Variants in CTNNA3 observed in about 807,000 individuals in gnomAD.
CTNNA3 encodes catenin alpha-3.
Under a neutral mutation model 95.7 loss-of-function variants are expected in CTNNA3, and 76 were observed. The ratio of observed to expected loss-of-function variants is 0.79; its 90% CI spans 0.66 to 0.96. The LOEUF (loss-of-function observed/expected upper bound fraction) is 0.96. CTNNA3 is among the 40% of genes least tolerant of loss of function. The pLI, the probability that CTNNA3 is intolerant of heterozygous loss-of-function variation, is 0.00. For synonymous variants in CTNNA3, 431 were observed against 374.4 expected, an observed-to-expected ratio of 1.15 and a Z score of -1.74; for missense variants, 1,191 against 1,089.8, an observed-to-expected ratio of 1.09 and a Z score of -1.31.
intron 7 of CTNNA3, among the ~76,000 whole-genome samples, chr10:66,827,921 G>T (rs1357985417): frequency 6.6e-6 from 1 of 152,174 alleles, no homozygotes; most frequent in Non-Finnish European, 1.5e-5. Context: ...AAACCGAGAT[G>T]ATATAAAACA....
At chr10:67,357,855 T>C (rs1842868865) in intron 5 of CTNNA3, among the ~76,000 whole-genome samples, 1 of 151,926 alleles carries the variant, frequency 6.6e-6, no homozygotes, top group African/African-American at 2.4e-5. Context: ...ATTTTAAAAG[T>C]CCAAGAACTT....
At position 66,840,323 on chromosome 10, in the gene CTNNA3, ATCTCTCTCTCTCTC is replaced by A. The variant is rs71035189; in HGVS notation, c.1048-64813_1048-64800del. Among the ~76,000 whole-genome samples, 410 of 90,642 alleles carry A rather than the reference ATCTCTCTCTCTCTC, an allele frequency of 4.5e-3. 2 individuals carry two copies. The highest frequency in any genetic ancestry group is 0.02 in the Middle Eastern group (2 of 98). 59.5% of individuals were successfully genotyped at this position (90,642 alleles called of 152,430 possible). ...CCTGCATTTCTTCTTCCAAGAAGCC[ATCTCTCTCTCTCTC>A]TCTCTCTCTCTCTCTCTCTCTCTCT... On this transcript the variant is annotated intron_variant, in intron 7 of 17. Coordinates refer to ENST00000433211, the MANE Select transcript of CTNNA3 (RefSeq NM_013266.4).
intron 7 of CTNNA3, among the ~76,000 whole-genome samples, chr10:66,782,243 T>C (rs564184452): frequency 5.3e-5 from 8 of 152,216 alleles, no homozygotes; most frequent in African/African-American, 1.9e-4. Flanking sequence ...TATACAAAGC[T>C]GGCAAATAGG....
intron 5 of CTNNA3, among the ~76,000 whole-genome samples, chr10:67,308,002 G>A (rs1840627142): frequency 6.6e-6 from 1 of 152,138 alleles, no homozygotes; most frequent in African/African-American, 2.4e-5. Flanking sequence ...ACATTATCTG[G>A]TCCCCATTCT....
intron 5 of CTNNA3, among the ~76,000 whole-genome samples, chr10:67,262,606 C>A (rs1866664204): frequency 6.6e-6 from 1 of 152,132 alleles, no homozygotes; most frequent in Non-Finnish European, 1.5e-5. Flanking sequence ...ATCATAAAAA[C>A]CGAAACCGCT....
At chr10:67,550,871 C>T (rs1320583686) in intron 3 of CTNNA3, among the ~76,000 whole-genome samples, 2 of 151,810 alleles carry the variant, frequency 1.3e-5, no homozygotes, top group African/African-American at 4.9e-5. Flanking sequence ...AAGGCTACTC[C>T]CATGAAACTT....
intron 10 of CTNNA3, among the ~76,000 whole-genome samples, chr10:66,521,040 C>T (rs115884777): frequency 1.3e-5 from 2 of 150,768 alleles, no homozygotes; most frequent in African/African-American, 4.9e-5. Context: ...TGATTTATTT[C>T]AATACATTAA....
At chr10:67,238,079 A>C (rs941512483) in intron 5 of CTNNA3, among the ~76,000 whole-genome samples, 1 of 152,216 alleles carries the variant, frequency 6.6e-6, no homozygotes, top group Non-Finnish European at 1.5e-5. Flanking sequence ...ATTCACCACA[A>C]TGAGAATACA....
At chr10:67,342,136 C>G (rs1842227237) in intron 5 of CTNNA3, among the ~76,000 whole-genome samples, 1 of 122,534 alleles carries the variant, frequency 8.2e-6, no homozygotes. Context: ...GAGTCTCACT[C>G]TGTCGCCCAG....
At chr10:66,862,563 C>G (rs1843984084) in intron 7 of CTNNA3, among the ~76,000 whole-genome samples, 1 of 151,940 alleles carries the variant, frequency 6.6e-6, no homozygotes, top group African/African-American at 2.4e-5. Flanking sequence ...AAAGAGAAGA[C>G]TATTCTAGAG....
intron 7 of CTNNA3, among the ~76,000 whole-genome samples, chr10:66,904,634 T>C (rs1845905026): frequency 6.6e-6 from 1 of 152,160 alleles, no homozygotes; most frequent in Non-Finnish European, 1.5e-5. Context: ...AAAGGGCTTA[T>C]ATCCAGAATC....
At chr10:67,663,843 G>A (rs1840261931) in intron 1 of CTNNA3, among the ~76,000 whole-genome samples, 1 of 152,116 alleles carries the variant, frequency 6.6e-6, no homozygotes, top group Non-Finnish European at 1.5e-5. Context: ...GAGTTTCTAA[G>A]CTAGTTCACT....
intron 5 of CTNNA3, among the ~76,000 whole-genome samples, chr10:67,328,970 A>G (rs1841669692): frequency 6.6e-6 from 1 of 152,232 alleles, no homozygotes; most frequent in Non-Finnish European, 1.5e-5. Flanking sequence ...AAATATCAGA[A>G]TTCTGATTTG....
intron 7 of CTNNA3, chr10:67,012,994 T>C (rs1406929013): frequency 2.0e-5 from 3 of 152,162 alleles, no homozygotes; most frequent in Admixed American, 2.0e-4. Context: ...GTAAGGCATC[T>C]TACCAGTTCT....
intron 17 of CTNNA3, among the ~76,000 whole-genome samples, chr10:65,959,849 G>A (rs1405409428): frequency 6.6e-6 from 1 of 152,156 alleles, no homozygotes; most frequent in Non-Finnish European, 1.5e-5. Flanking sequence ...GATAGCAGGT[G>A]GAAGGCCAAA....
At chr10:66,833,603 A>C (rs1842797935) in intron 7 of CTNNA3, among the ~76,000 whole-genome samples, 1 of 152,176 alleles carries the variant, frequency 6.6e-6, no homozygotes, top group Admixed American at 6.6e-5. Flanking sequence ...CACCATCAAC[A>C]AGCTAATACG....
Position 67,704,762 on chromosome 10 carries a change from C to A in CTNNA3, c.-1-57248G>T, listed in dbSNP as rs541814287. ...ACACCAAAAGCAATGGCAACAAAAG[C>A]CAAAATTGACAAATGGGATCTAATT... On this transcript the variant is annotated intron_variant, in intron 1 of 17. Coordinates refer to the CTNNA3 transcript ENST00000684154. Among the ~76,000 whole-genome samples, 8 of 151,822 alleles carry A rather than the reference C, an allele frequency of 5.3e-5. 1 individual carries two copies. The East Asian group carries it at 7.7e-4, about 15-fold the overall frequency.
At chr10:67,361,121 T>C (rs926591554) in intron 5 of CTNNA3, among the ~76,000 whole-genome samples, 2 of 152,004 alleles carry the variant, frequency 1.3e-5, no homozygotes, top group South Asian at 4.1e-4. Flanking sequence ...AGCACCCAGA[T>C]TCAGAACACA....
At chr10:66,228,300 T>C (rs2089420026) in intron 13 of CTNNA3, among the ~76,000 whole-genome samples, 1 of 152,080 alleles carries the variant, frequency 6.6e-6, no homozygotes. Flanking sequence ...GATGTGTTTT[T>C]GCCATAAATT....
Sources: gnomAD v4.1 joint callset for allele counts (sites outside exome capture counted in the v4.1 genomes callset) on GRCh38, gnomAD v4.1.1 for gene constraint, MANE v1.5 for transcripts, NCBI Gene and HGNC (gene_info 2026-07-23, HGNC 2026-07-21) for gene names.